The following PDE4D variants were observed in gnomAD, a reference collection of about 807,000 sequenced individuals.
PDE4D encodes 3',5'-cyclic-AMP phosphodiesterase 4D.
In PDE4D, 24 loss-of-function variants were observed where a neutral mutation model predicts 87.4. The observed-to-expected ratio is 0.27, with a 90% CI of 0.20 to 0.39. The LOEUF is 0.39. Ranked by LOEUF, PDE4D falls within the 10% of genes least tolerant of loss-of-function variation. The probability of loss-of-function intolerance (pLI) is 1.00; values close to 1 mark genes in which losing one functional copy is unlikely to be tolerated. For synonymous variants in PDE4D, 384 were observed against 383.2 expected, an observed-to-expected ratio of 1.00 and a Z score of -0.02; for missense variants, 714 against 1,041.0, an observed-to-expected ratio of 0.69 and a Z score of 4.32.
At chr5:59,823,088 C>T (rs1286799288) in intron 1 of PDE4D, among the ~76,000 whole-genome samples, 1 of 152,230 alleles carries the variant, frequency 6.6e-6, no homozygotes, top group Non-Finnish European at 1.5e-5. Context: ...GTGTCTTCTA[C>T]TCTTTTCAAG....
chr5:59,169,047 A>G (rs912147153), intron 5 of PDE4D, among the ~76,000 whole-genome samples: 2 of 151,808 alleles, frequency 1.3e-5, no homozygotes, highest in Non-Finnish European at 2.9e-5. Context: ...TATCCAACTG[A>G]TTTTTAAAGC....
chr5:59,271,210 T>G (rs934275794), intron 1 of PDE4D, among the ~76,000 whole-genome samples: 6 of 152,074 alleles, frequency 3.9e-5, no homozygotes, highest in African/African-American at 1.2e-4. Context: ...GGCTAATTTT[T>G]GGATTTTTAG....
In PDE4D at chr5:58,969,418, C is replaced by T. The variant is rs1211739287; in HGVS notation, c.*5246G>A. The T allele has an allele frequency of 6.6e-6, 1 of 152,228 alleles. No individual in the cohort carries two copies. Among genetic ancestry groups the T allele is most frequent in the Non-Finnish European group, 1.5e-5 (1 of 68,052 alleles). The allele number at this position is 152,228 out of a possible 1,614,324, so 9.4% of individuals were successfully genotyped here. ...TCAGTTTCTCCAGATGTCTCAAGCT[C>T]ATTTATGCCTCAAGATCTTTGCAAA... is the stretch of plus-strand genomic sequence containing the variant. On this transcript the variant is annotated 3_prime_UTR_variant, in exon 15 of 15. Coordinates refer to ENST00000340635, the MANE Select transcript of PDE4D (RefSeq NM_001104631.2).
chr5:60,251,262 T>C (rs1748412099), intron 1 of PDE4D, among the ~76,000 whole-genome samples: 1 of 151,644 alleles, frequency 6.6e-6, no homozygotes, highest in Non-Finnish European at 1.5e-5. Context: ...GTTATATAAG[T>C]AGACTCATGT....
chr5:59,218,076 A>G, intron 1 of PDE4D: 1 of 413,916 alleles, frequency 2.4e-6, no homozygotes, highest in Non-Finnish European at 4.8e-6. Flanking sequence ...GGAAGACATT[A>G]AAAACTTCTA....
At chr5:60,149,557 C>T (rs1019204545) in intron 2 of PDE4D, among the ~76,000 whole-genome samples, 1 of 152,258 alleles carries the variant, frequency 6.6e-6, no homozygotes, top group African/African-American at 2.4e-5. Context: ...CTACTAGCTA[C>T]TTTTACTGAG....
chr5:59,754,797 ATTTTTTTTTTTTTT>A (rs754869518), intron 1 of PDE4D, among the ~76,000 whole-genome samples: 13,801 of 97,014 alleles, frequency 0.14, 1,072 homozygotes, highest in Admixed American at 0.32. Flanking sequence ...TCCACAGAAC[ATTTTTTTTTTTTTT>A]TTTTTTTTTT....
intron 5 of PDE4D, among the ~76,000 whole-genome samples, chr5:59,127,862 A>C (rs892074365): frequency 6.6e-6 from 1 of 151,986 alleles, no homozygotes; most frequent in African/African-American, 2.4e-5. Context: ...CCCGTTCCTA[A>C]TCAGCGCTGC....
intron 1 of PDE4D, among the ~76,000 whole-genome samples, chr5:59,397,690 C>G (rs1331847084): frequency 8.5e-6 from 1 of 117,524 alleles, no homozygotes; most frequent in African/African-American, 3.4e-5. Context: ...CAAGAGCAAA[C>G]ACATTCAAAA....
intron 1 of PDE4D, among the ~76,000 whole-genome samples, chr5:60,366,685 G>A (rs1279723834): frequency 6.6e-6 from 1 of 152,178 alleles, no homozygotes; most frequent in Non-Finnish European, 1.5e-5. Context: ...GCTTGGCCAA[G>A]CCAAGTGTGG....
chr5:59,982,079 A>C (rs1322843508), intron 3 of PDE4D, among the ~76,000 whole-genome samples: 1 of 152,218 alleles, frequency 6.6e-6, no homozygotes, highest in Non-Finnish European at 1.5e-5. Flanking sequence ...TTATATGAAT[A>C]AAGTAATTCT....
intron 1 of PDE4D, among the ~76,000 whole-genome samples, chr5:60,235,183 T>G (rs111448199): frequency 0.014 from 2,121 of 151,978 alleles, 25 homozygotes; most frequent in Middle Eastern, 0.034. Flanking sequence ...CCTTAGAGGG[T>G]TAAACTCCTA....
At chr5:59,894,386 T>C (rs924786368), upstream of PDE4D, among the ~76,000 whole-genome samples, 1 of 152,210 alleles carries the variant, frequency 6.6e-6, no homozygotes, top group Non-Finnish European at 1.5e-5. Flanking sequence ...TCTATGCGCG[T>C]CGCTGAAAAA....
At chr5:59,725,973 AC>A (rs1188722811) in intron 1 of PDE4D, among the ~76,000 whole-genome samples, 1 of 152,068 alleles carries the variant, frequency 6.6e-6, no homozygotes, top group East Asian at 1.9e-4. Context: ...AATGGTTAAG[AC>A]CACCCTAAGG....
chr5:59,440,787 A>T (rs183322482), intron 1 of PDE4D, among the ~76,000 whole-genome samples: 4 of 152,028 alleles, frequency 2.6e-5, no homozygotes, highest in Admixed American at 6.5e-5. Flanking sequence ...GAAAAAAAAA[A>T]TTTTCATGTA....
intron 5 of PDE4D, among the ~76,000 whole-genome samples, chr5:59,157,836 A>G (rs566887810): frequency 6.6e-6 from 1 of 152,332 alleles, no homozygotes; most frequent in East Asian, 1.9e-4. Context: ...AATTGGTATC[A>G]TGGAGCCAGA....
intron 1 of PDE4D, among the ~76,000 whole-genome samples, chr5:59,503,797 G>A (rs1464329264): frequency 7.2e-5 from 11 of 152,016 alleles, no homozygotes; most frequent in Admixed American, 1.3e-4. Context: ...AGGCTATTTT[G>A]GAGTTGGAAC....
intron 1 of PDE4D, chr5:60,303,908 C>G (rs751015459): frequency 2.0e-5 from 3 of 152,156 alleles, no homozygotes; most frequent in Non-Finnish European, 4.4e-5. Flanking sequence ...AAATCTTCTA[C>G]TATTATTGTG....
chr5:58,974,861 C>T lies in PDE4D; in HGVS notation c.2233G>A (p.Glu745Lys). Residue 745 changes from glutamate to lysine, a missense_variant, in exon 15 of 15, where the codon GAG becomes AAG. Glu to Lys is a moderately conservative substitution (Grantham distance 56, BLOSUM62 1). Coordinates refer to ENST00000340635, the MANE Select transcript of PDE4D (RefSeq NM_001104631.2). ...QFELTLEEDG[E>K]SDTEKDSGSQ... Reference sequence around the variant, plus strand: ...CCACTGTCCTTTTCCGTGTCTGACTCACCATCTTCCTCTAAAGTTAGTTCA... The same window carrying T: ...CCACTGTCCTTTTCCGTGTCTGACTTACCATCTTCCTCTAAAGTTAGTTCA... The T allele has an allele frequency of 6.2e-7, 1 of 1,612,616 alleles. No homozygotes were observed.
Sources: gnomAD v4.1 joint callset for allele counts (sites outside exome capture counted in the v4.1 genomes callset) on GRCh38, gnomAD v4.1.1 for gene constraint, MANE v1.5 for transcripts, NCBI Gene and HGNC (gene_info 2026-07-23, HGNC 2026-07-21) for gene names.